The following PLEKHA6 variants were observed in gnomAD, a reference collection of about 807,000 sequenced individuals.
The protein encoded by PLEKHA6 is pleckstrin homology domain-containing family A member 6.
PLEKHA6 carries 60 observed loss-of-function variants against 116.7 expected under a neutral mutation model. That is an observed-to-expected ratio of 0.51 (90% CI 0.42 to 0.64). PLEKHA6 has a LOEUF of 0.64. Ranked by LOEUF, PLEKHA6 falls within the 30% of genes least tolerant of loss-of-function variation. PLEKHA6 has a pLI of 0.00. For missense variants in PLEKHA6, 1,338 were observed against 1,422.7 expected (o/e 0.94, Z 0.96); for synonymous variants, 489 against 556.1 (o/e 0.88, Z 1.70).
rs778937434 is a variant in PLEKHA6, at chr1:204,259,239, A to G, written c.1007+19T>C. ...CATAATACCATATCAGCCCCACCCCAGCCGCCGGCATGCCTCACCTCCGAA... is the reference window on the plus strand; with the variant it reads ...CATAATACCATATCAGCCCCACCCCGGCCGCCGGCATGCCTCACCTCCGAA... On this transcript the variant is annotated intron_variant, in intron 8 of 22. Transcript: ENST00000272203. This position sits in a 1 kb window ranked among gnomAD's most constrained non-coding sequence, Gnocchi z 4.6. The G allele has an allele frequency of 6.2e-7, 1 of 1,610,076 alleles. No individual in the cohort carries two copies. Among genetic ancestry groups the G allele is most frequent in the South Asian group, 1.1e-5 (1 of 90,776 alleles).
chr1:204,309,641 T>C (rs1462162789), intron 1 of PLEKHA6: 1 of 675,500 alleles, frequency 1.5e-6, no homozygotes, highest in Non-Finnish European at 1.8e-6. Flanking sequence ...AATGCACTTC[T>C]CAGAATGTAG....
At chr1:204,237,851 G>A (rs1050868069) in intron 17 of PLEKHA6, among the ~76,000 whole-genome samples, 1 of 152,230 alleles carries the variant, frequency 6.6e-6, no homozygotes, top group African/African-American at 2.4e-5. Flanking sequence ...ACCTTATGCT[G>A]ATTGGATCCA....
intron 12 of PLEKHA6, among the ~76,000 whole-genome samples, chr1:204,247,686 G>C (rs1663916415): frequency 6.6e-6 from 1 of 152,170 alleles, no homozygotes; most frequent in Non-Finnish European, 1.5e-5. Context: ...GAAATAAAGA[G>C]AAAATGGAGA....
At chr1:204,297,978 C>T (rs1670450672) in intron 1 of PLEKHA6, 14 of 816,008 alleles carry the variant, frequency 1.7e-5, no homozygotes, top group Non-Finnish European at 1.9e-5. Flanking sequence ...CCTGAACCTC[C>T]ACACCTTTCT....
At chr1:204,288,024 A>C (rs1447592487) in intron 1 of PLEKHA6, among the ~76,000 whole-genome samples, 1 of 152,240 alleles carries the variant, frequency 6.6e-6, no homozygotes, top group Non-Finnish European at 1.5e-5. Flanking sequence ...TCTGGCTGAT[A>C]GAATGGGTAT....
At chr1:204,371,009 G>C (rs750646105) in intron 2 of PLEKHA6, among the ~76,000 whole-genome samples, 42 of 145,544 alleles carry the variant, frequency 2.9e-4, no homozygotes, top group Non-Finnish European at 4.6e-4. Context: ...AGCCGAGATT[G>C]TGCCACTGCA....
Position 204,257,358 on chromosome 1 carries a change from G to C in PLEKHA6, c.1519C>G (p.Pro507Ala). Residue 507 changes from proline (P) to alanine (A), a missense_variant, in exon 9 of 23, where the codon CCC (proline) becomes GCC (alanine). Pro to Ala is a conservative substitution (Grantham distance 27, BLOSUM62 -1). This residue lies in a region of PLEKHA6 where 1,136 missense variants were observed against 1,163.6 expected (regional missense o/e 0.98). Transcript: ENST00000272203. This position sits in a 1 kb window ranked among gnomAD's most constrained non-coding sequence, Gnocchi z 6.5. ...AYVMRRSISS[P>A]KVPPYPEVFR... ...AGGGCAGGCTGGTGGCTCACCTTGG[G>C]GGAGCTGATGGATCGCCTCATCACA... 6.4e-7 allele frequency: 1 copy of C among 1,561,098 alleles called. No homozygotes were observed. Among genetic ancestry groups the C allele is most frequent in the East Asian group, 2.4e-5 (1 of 41,808 alleles).
At chr1:204,315,447 G>A (rs907553658) in intron 1 of PLEKHA6, among the ~76,000 whole-genome samples, 1 of 152,184 alleles carries the variant, frequency 6.6e-6, no homozygotes, top group African/African-American at 2.4e-5. Flanking sequence ...AGGCATTCCT[G>A]CTCTGGCAGC....
rs1472864718 is a variant in PLEKHA6, at chr1:204,277,690, T to G, written c.-94-2881A>C. 1 of 152,126 alleles carries G rather than the reference T, an allele frequency of 6.6e-6. No homozygotes were observed. Among genetic ancestry groups the G allele is most frequent in the East Asian group, 1.9e-4 (1 of 5,172 alleles). 9.4% of individuals were successfully genotyped at this position (152,126 alleles called of 1,614,324 possible). A position where few individuals can be genotyped will look rare whatever the true frequency, so the allele number is the denominator to read the frequency against. Reference sequence around the variant, plus strand: ...TGCTGCCGCTGCTGAGAAGCTGAGATTGATTGAGCAGTTCTCCCTTCTCTT... The same window carrying G: ...TGCTGCCGCTGCTGAGAAGCTGAGAGTGATTGAGCAGTTCTCCCTTCTCTT... On this transcript the variant is annotated intron_variant, in intron 1 of 22. Coordinates refer to ENST00000272203, the MANE Select transcript of PLEKHA6 (RefSeq NM_014935.5). The surrounding 1 kb of genome is among the most constrained non-coding windows in gnomAD (Gnocchi z 4.1).
rs1048860164 is a variant in PLEKHA6 at position 204,251,469 on chromosome 1, G to A, written c.1525-855C>T. ...GAGCCTCATCCTAGATGGGCAACTC[G>A]ACCATGCACAAGCAGCTGAAATGGC... On this transcript the variant is annotated intron_variant, in intron 9 of 22. Coordinates refer to ENST00000272203, the MANE Select transcript of PLEKHA6 (RefSeq NM_014935.5). 9.9e-5 allele frequency: 68 copies of A among 690,006 alleles called. 1 individual carries two copies. The highest frequency in any genetic ancestry group is 2.6e-4 in the Middle Eastern group (1 of 3,890). 42.7% of individuals were successfully genotyped at this position (690,006 alleles called of 1,614,324 possible).
chr1:204,310,700 T>C (rs561192250), intron 1 of PLEKHA6, among the ~76,000 whole-genome samples: 58 of 152,328 alleles, frequency 3.8e-4, no homozygotes, highest in African/African-American at 1.3e-3. Flanking sequence ...AGAGATGCAA[T>C]AAATAGTTGC....
intron 1 of PLEKHA6, among the ~76,000 whole-genome samples, chr1:204,372,843 T>G (rs1051521407): frequency 1.3e-5 from 2 of 151,932 alleles, no homozygotes; most frequent in African/African-American, 4.8e-5. Context: ...CAGAGTTTTA[T>G]ATAAAAGGAA....
At chr1:204,361,699 C>T (rs766681375), upstream of PLEKHA6, among the ~76,000 whole-genome samples, 4 of 152,350 alleles carry the variant, frequency 2.6e-5, no homozygotes, top group African/African-American at 4.8e-5. Context: ...CAGGCAGGAC[C>T]GATCAAGCCC....
chr1:204,265,119 T>A, intron 5 of PLEKHA6, 77 bp from the exon 6 acceptor site: 1 of 960,736 alleles, frequency 1.0e-6, no homozygotes, highest in East Asian at 2.4e-5. Flanking sequence ...TGGGGAGGAG[T>A]GTGTTGTCCC....
chr1:204,325,757 C>G (rs1392597166), intron 1 of PLEKHA6: 2 of 204,428 alleles, frequency 9.8e-6, no homozygotes, highest in African/African-American at 4.7e-5. Context: ...TTAGAGTAGC[C>G]TGTGAACAAA....
chr1:204,258,551 G>A (rs1034999569), intron 8 of PLEKHA6, among the ~76,000 whole-genome samples: 3 of 152,204 alleles, frequency 2.0e-5, no homozygotes, highest in Non-Finnish European at 4.4e-5. Context: ...ATGCGCAGCC[G>A]CTCAGGCCAC....
chr1:204,370,282 A>G (rs1673748471), intron 2 of PLEKHA6, among the ~76,000 whole-genome samples: 1 of 152,264 alleles, frequency 6.6e-6, no homozygotes, highest in Non-Finnish European at 1.5e-5. Flanking sequence ...AAGGACTCTG[A>G]ACAAGCCAAA....
chr1:204,373,363 G>A (rs542280695), intron 1 of PLEKHA6, among the ~76,000 whole-genome samples: 194 of 151,430 alleles, frequency 1.3e-3, no homozygotes, highest in African/African-American at 4.1e-3. Flanking sequence ...GATTACAGGC[G>A]TGAGCCACTG....
upstream of PLEKHA6, among the ~76,000 whole-genome samples, chr1:204,360,636 T>G (rs1037629817): frequency 6.6e-6 from 1 of 152,136 alleles, no homozygotes; most frequent in Non-Finnish European, 1.5e-5. Flanking sequence ...CAGACCCACT[T>G]GTATTGGAGT....
Sources: allele counts gnomAD v4.1 joint callset (sites outside exome capture counted in the v4.1 genomes callset), GRCh38; gene constraint gnomAD v4.1.1; regional missense constraint gnomAD v4.1.1; non-coding constraint Gnocchi (gnomAD v3.1); transcripts MANE v1.5; gene names NCBI Gene and HGNC (gene_info 2026-07-23, HGNC 2026-07-21).